ZNF490: variants seen among roughly 807,000 people sequenced by gnomAD.
ZNF490 encodes zinc finger protein 490.
Under a neutral mutation model 17.7 loss-of-function variants are expected in ZNF490, and 11 were observed. The ratio of observed to expected loss-of-function variants is 0.62; its 90% CI spans 0.39 to 1.03. The LOEUF (loss-of-function observed/expected upper bound fraction) is 1.03. Among genes scored for constraint, ZNF490 ranks in the 50% least tolerant of loss-of-function variants. The probability of loss-of-function intolerance (pLI) is 0.00; values close to 1 mark genes in which losing one functional copy is unlikely to be tolerated. For missense variants in ZNF490, 542 were observed against 643.4 expected, an observed-to-expected ratio of 0.84 and a Z score of 1.71; for synonymous variants, 222 against 216.1, an observed-to-expected ratio of 1.03 and a Z score of -0.24.
Position 12,577,962 on chromosome 19 carries a change from C to T in ZNF490, c.*2523G>A, listed in dbSNP as rs1348684626. The T allele has an allele frequency of 4.1e-6, 4 of 985,318 alleles. No individual in the cohort carries two copies. The highest frequency in any genetic ancestry group is 4.8e-6 in the Non-Finnish European group (4 of 829,962). 61.0% of individuals were successfully genotyped at this position (985,318 alleles called of 1,614,324 possible). A position where few individuals can be genotyped will look rare whatever the true frequency, so the allele number is the denominator to read the frequency against. ...TCAGAAAACGGAGAATTCGGAGGCT[C>T]CAGCAAGCAGTTTATTGGGAGTTGA... is the stretch of plus-strand genomic sequence containing the variant. On this transcript the variant is annotated 3_prime_UTR_variant, in exon 5 of 5. Coordinates refer to ENST00000311437, the MANE Select transcript of ZNF490 (RefSeq NM_020714.3).
intron 2 of ZNF490, among the ~76,000 whole-genome samples, chr19:12,600,439 T>C (rs112472111): frequency 8.2e-4 from 125 of 152,254 alleles, no homozygotes; most frequent in African/African-American, 2.9e-3. Flanking sequence ...ATTTGGCTTA[T>C]TTGGTACAAA....
At position 12,585,522 on chromosome 19, in the gene ZNF490, A is replaced by C. The variant is rs1427017198; in HGVS notation, c.163-1966T>G. 1.5e-4 allele frequency among the ~76,000 whole-genome samples: 14 copies of C among 92,878 alleles called. 5 individuals are homozygous for C. The highest frequency in any genetic ancestry group is 4.0e-4 in the Non-Finnish European group (14 of 34,592). The allele number at this position is 92,878 out of a possible 152,430, so 60.9% of individuals were successfully genotyped here. A position where few individuals can be genotyped will look rare whatever the true frequency, so the allele number is the denominator to read the frequency against. Reference sequence around the variant, plus strand: ...TTACCCTTATCACTCATGAAATTCCAAGAGATTTAGGAACTCTGTACTAGG... The same window carrying C: ...TTACCCTTATCACTCATGAAATTCCCAGAGATTTAGGAACTCTGTACTAGG... On this transcript the variant is annotated intron_variant, in intron 2 of 4. Coordinates refer to ENST00000311437, the MANE Select transcript of ZNF490 (RefSeq NM_020714.3).
intron 2 of ZNF490, among the ~76,000 whole-genome samples, chr19:12,585,599 C>T (rs1320151786): frequency 1.1e-5 from 1 of 93,630 alleles, no homozygotes; most frequent in East Asian, 2.1e-4. Flanking sequence ...CAAAGAACAT[C>T]ATGGCTCGGG....
At chr19:12,600,866 G>C (rs1252606936) in intron 2 of ZNF490, among the ~76,000 whole-genome samples, 1 of 152,058 alleles carries the variant, frequency 6.6e-6, no homozygotes, top group African/African-American at 2.4e-5. Flanking sequence ...CAAGGTGGGT[G>C]GATCACTTAA....
Position 12,583,429 on chromosome 19 carries a change from C to A in ZNF490, c.289+1G>T. ...AAGTAGAGAAATTATGTCACCCTTACCTATACAGGCCAGGTTCTTGAAGGT... is the reference window on the plus strand; with the variant it reads ...AAGTAGAGAAATTATGTCACCCTTAACTATACAGGCCAGGTTCTTGAAGGT... On this transcript the variant is annotated splice_donor_variant, in intron 3 of 4. Coordinates refer to ENST00000311437, the MANE Select transcript of ZNF490 (RefSeq NM_020714.3). LOFTEE classifies it high-confidence loss of function. 1 of 1,596,954 alleles carries A rather than the reference C, an allele frequency of 6.3e-7. No individual in the cohort carries two copies. Among genetic ancestry groups the A allele is most frequent in the Non-Finnish European group, 8.6e-7 (1 of 1,169,498 alleles).
intron 2 of ZNF490, among the ~76,000 whole-genome samples, chr19:12,603,733 T>C (rs1190069186): frequency 6.6e-6 from 1 of 151,300 alleles, no homozygotes; most frequent in African/African-American, 2.4e-5. Context: ...GGAGGCTGCA[T>C]TGAGCCAAGA....
chr19:12,604,740 C>T (rs1446076523), intron 2 of ZNF490, among the ~76,000 whole-genome samples: 3 of 151,406 alleles, frequency 2.0e-5, no homozygotes, highest in Non-Finnish European at 4.4e-5. Context: ...AGGAGAATTG[C>T]TTGAACCTGG....
chr19:12,607,365 A>T (rs2023081347), intron 2 of ZNF490, among the ~76,000 whole-genome samples: 1 of 151,614 alleles, frequency 6.6e-6, no homozygotes. Context: ...TAAAAAAAGA[A>T]TTTTTTTAAA....
At chr19:12,582,664 G>A (rs577759301) in intron 4 of ZNF490, among the ~76,000 whole-genome samples, 186 bp downstream of exon 4, 1 of 152,096 alleles carries the variant, frequency 6.6e-6, no homozygotes, top group Non-Finnish European at 1.5e-5. Flanking sequence ...AAAGTGCTGG[G>A]ATTACAGACA....
At chr19:12,606,007 A>G (rs538695204) in intron 2 of ZNF490, among the ~76,000 whole-genome samples, 1 of 151,934 alleles carries the variant, frequency 6.6e-6, no homozygotes, top group Admixed American at 6.6e-5. Flanking sequence ...CAGCCTCCCA[A>G]GTAGCTGGGA....
rs767662256 is a variant in ZNF490 at position 12,580,685 on chromosome 19, G to A, written c.1390C>T (p.His464Tyr). 7 of 1,614,140 alleles carry A rather than the reference G, an allele frequency of 4.3e-6. No homozygotes were observed. The highest frequency in any genetic ancestry group is 5.9e-6 in the Non-Finnish European group (7 of 1,180,006). Reference sequence around the variant, plus strand: ...TTCACTCCAGTGTGACTTCTTTCGTGCCTTCGAAGGTGACTGAAGTAAATG... The same window carrying A: ...TTCACTCCAGTGTGACTTCTTTCGTACCTTCGAAGGTGACTGAAGTAAATG... ...VFIYFSHLRR[H>Y]ERSHTGVKPC... Residue 464 changes from histidine to tyrosine, a missense_variant, in exon 5 of 5, where the codon CAC becomes TAC. Physicochemically the swap from His to Tyr is moderately conservative, Grantham distance 83 (BLOSUM62 2). Coordinates refer to ENST00000311437, the MANE Select transcript of ZNF490 (RefSeq NM_020714.3).
At chr19:12,607,108 T>A (rs1481000230) in intron 2 of ZNF490, among the ~76,000 whole-genome samples, 2 of 152,052 alleles carry the variant, frequency 1.3e-5, no homozygotes, top group Non-Finnish European at 2.9e-5. Context: ...GGGAGGCTGA[T>A]GTGGGAGGAT....
chr19:12,583,045 AT>A (rs142050281), intron 3 of ZNF490, 135 bp from the exon 4 acceptor site: 120,556 of 574,700 alleles, frequency 0.21, 51 homozygotes, highest in South Asian at 0.25. Context: ...CTCTTCCCAC[AT>A]TTTTTTTTTT....
At chr19:12,601,706 T>C (rs1459080551) in intron 2 of ZNF490, among the ~76,000 whole-genome samples, 3 of 151,970 alleles carry the variant, frequency 2.0e-5, no homozygotes, top group African/African-American at 7.3e-5. Context: ...GAAAATAATA[T>C]TCTAGGCCAG....
In ZNF490 at chr19:12,581,316, C is replaced by T. The variant is rs140140277; in HGVS notation, c.759G>A (p.Lys253=). ...IHTGETPYEC[K]ECGKAFRYLT... Reference sequence around the variant, plus strand: ...GATATCTGAATGCCTTCCCACATTCCTTACATTCATAGGGTGTCTCTCCAG... The same window carrying T: ...GATATCTGAATGCCTTCCCACATTCTTTACATTCATAGGGTGTCTCTCCAG... The change falls in exon 5 of 5, where the codon AAG becomes AAA. Residue 253 remains lysine, a synonymous_variant. Coordinates refer to ENST00000311437, the MANE Select transcript of ZNF490 (RefSeq NM_020714.3). The T allele has an allele frequency of 6.2e-7, 1 of 1,613,884 alleles. No individual in the cohort carries two copies.
rs956141465 is a variant in ZNF490, at chr19:12,576,791, T to C, written c.*3694A>G. Among the ~76,000 whole-genome samples the C allele has an allele frequency of 8.2e-6, 1 of 121,470 alleles. No individual in the cohort carries two copies. Among genetic ancestry groups the C allele is most frequent in the African/African-American group, 3.4e-5 (1 of 29,474 alleles). 79.7% of individuals were successfully genotyped at this position (121,470 alleles called of 152,430 possible). On this transcript the variant is annotated 3_prime_UTR_variant, in exon 5 of 5. Transcript: ENST00000311437. Reference sequence around the variant, plus strand: ...AAGATTGTGCCACTGCACTCCAGCCTGGCAACAGTGAGAATCCATCTCAAA... The same window carrying C: ...AAGATTGTGCCACTGCACTCCAGCCCGGCAACAGTGAGAATCCATCTCAAA...
At position 12,595,053 on chromosome 19, in the gene ZNF490, A is replaced by G. The variant is rs943899626; in HGVS notation, c.163-11497T>C. 2.6e-5 allele frequency among the ~76,000 whole-genome samples: 4 copies of G among 152,288 alleles called. No homozygotes were observed. The South Asian group carries it at 6.2e-4, about 24-fold the overall frequency. On this transcript the variant is annotated intron_variant, in intron 2 of 4. Transcript: ENST00000311437. ...TGCTAGAGCCCAGGAGTTTGAAACC[A>G]GAAATATATATATATGATTTAAAAA...
In ZNF490 at chr19:12,581,145, T is replaced by A. The variant is rs149924938; in HGVS notation, c.930A>T (p.Gln310His). Residue 310 changes from glutamine to histidine, a missense_variant, in exon 5 of 5, where the codon CAA becomes CAT. Transcript: ENST00000311437. ...TGGGACAACTGAAGGCTTTCCCACA[T>A]TGCTTACATTCATAAGGTTTCTCTC... ...HTGEKPYECK[Q>H]CGKAFSCPTY... 6.2e-7 allele frequency: 1 copy of A among 1,614,054 alleles called. No homozygotes were observed. The highest frequency in any genetic ancestry group is 8.5e-7 in the Non-Finnish European group (1 of 1,180,026).
intron 2 of ZNF490, among the ~76,000 whole-genome samples, chr19:12,601,948 C>A (rs540106465): frequency 4.3e-4 from 65 of 150,470 alleles, no homozygotes; most frequent in Non-Finnish European, 8.4e-4. Flanking sequence ...GAGCCGAGAT[C>A]GCACCACTGC....
Sources: allele counts gnomAD v4.1 joint callset (sites outside exome capture counted in the v4.1 genomes callset), GRCh38; gene constraint gnomAD v4.1.1; transcripts MANE v1.5; gene names NCBI Gene and HGNC (gene_info 2026-07-23, HGNC 2026-07-21).